Variants in CADPS2 observed in about 807,000 individuals in gnomAD.
The protein encoded by CADPS2 is calcium dependent secretion activator 2.
In CADPS2, 93 loss-of-function variants were observed where a neutral mutation model predicts 172.5. That is an observed-to-expected ratio of 0.54 (90% confidence interval 0.46 to 0.64). The LOEUF is 0.64. Among genes scored for constraint, CADPS2 ranks in the 30% least tolerant of loss-of-function variants. CADPS2 has a pLI of 0.00. For missense variants in CADPS2, 1,420 were observed against 1,565.9 expected (o/e 0.91, Z 1.57); for synonymous variants, 546 against 555.2 (o/e 0.98, Z 0.23).
intron 2 of CADPS2, among the ~76,000 whole-genome samples, chr7:122,665,387 C>T (rs1274439522): frequency 2.0e-5 from 3 of 152,128 alleles, no homozygotes; most frequent in South Asian, 4.1e-4. Context: ...TCAAATATTT[C>T]GGCTGACAGA....
chr7:122,435,596 A>G (rs1044953396), intron 17 of CADPS2, among the ~76,000 whole-genome samples: 3 of 152,164 alleles, frequency 2.0e-5, no homozygotes, highest in Non-Finnish European at 4.4e-5. Context: ...TGCAGCCACT[A>G]TGAAAAATAG....
At chr7:122,358,038 T>C (rs2039646551) in intron 27 of CADPS2, among the ~76,000 whole-genome samples, 1 of 152,162 alleles carries the variant, frequency 6.6e-6, no homozygotes, top group South Asian at 2.1e-4. Context: ...TATTTAGCTT[T>C]AAAAGAAACT....
rs1485361492 is a variant in CADPS2, at chr7:122,754,641, G to A, written c.340-17573C>T. Reference sequence around the variant, plus strand: ...ACAGGTGCCCACCATCACGCCCGGCGAATTTTTGTATTTTTAGTAGAAACG... The same window carrying A: ...ACAGGTGCCCACCATCACGCCCGGCAAATTTTTGTATTTTTAGTAGAAACG... On this transcript the variant is annotated intron_variant, in intron 1 of 29. Coordinates refer to ENST00000449022, the MANE Select transcript of CADPS2 (RefSeq NM_017954.11). 3.3e-5 allele frequency among the ~76,000 whole-genome samples: 5 copies of A among 151,748 alleles called. No homozygotes were observed. In the South Asian group the frequency reaches 6.2e-4, roughly 19 times the overall value.
intron 5 of CADPS2, among the ~76,000 whole-genome samples, chr7:122,617,224 G>T (rs1424925212): frequency 1.3e-5 from 2 of 152,086 alleles, no homozygotes; most frequent in Non-Finnish European, 2.9e-5. Flanking sequence ...ACTGTGCTGG[G>T]AACGTTTTAC....
At chr7:122,602,316 TA>T (rs111647064) in intron 6 of CADPS2, among the ~76,000 whole-genome samples, 276 of 152,144 alleles carry the variant, frequency 1.8e-3, no homozygotes, top group African/African-American at 6.2e-3. Flanking sequence ...ATCTTCATCT[TA>T]CGACCATTGC....
At chr7:122,446,572 A>G (rs2052238345) in intron 15 of CADPS2, among the ~76,000 whole-genome samples, 1 of 152,194 alleles carries the variant, frequency 6.6e-6, no homozygotes, top group South Asian at 2.1e-4. Flanking sequence ...GTGTGTTAGC[A>G]TTAGAGATTC....
intron 2 of CADPS2, among the ~76,000 whole-genome samples, chr7:122,682,511 C>A (rs1043179267): frequency 1.3e-5 from 2 of 152,096 alleles, no homozygotes; most frequent in African/African-American, 4.8e-5. Flanking sequence ...GAAAATAAAT[C>A]TTAAAAATTT....
intron 11 of CADPS2, among the ~76,000 whole-genome samples, chr7:122,481,719 T>C (rs1393186044): frequency 6.6e-6 from 1 of 150,768 alleles, no homozygotes; most frequent in African/African-American, 2.4e-5. Context: ...GTTTTGTTAT[T>C]ATTTGTTACA....
chr7:122,486,846 G>A (rs948962764), intron 11 of CADPS2, among the ~76,000 whole-genome samples: 3 of 152,010 alleles, frequency 2.0e-5, no homozygotes, highest in Non-Finnish European at 4.4e-5. Flanking sequence ...CCAGCAACCT[G>A]ATCGGTCAGC....
In CADPS2 at chr7:122,379,440, T is replaced by A; in HGVS notation, c.3315A>T (p.Gln1105His). 1.3e-6 allele frequency: 2 copies of A among 1,595,308 alleles called. No homozygotes were observed. Among genetic ancestry groups the A allele is most frequent in the South Asian group, 1.1e-5 (1 of 89,728 alleles). The change falls in exon 25 of 30, where the codon CAA becomes CAT. Residue 1105 changes from glutamine to histidine, a missense_variant and splice_region_variant. Gln to His is a conservative substitution (Grantham distance 24, BLOSUM62 0). Transcript: ENST00000449022. ...GATCATCTATTTTTGAATGGTACTG[T>A]TGCTAGATATTAAAAGATAAAAACT... ...KLCALDGGQE[Q>H]QYHSKIDDLI...
intron 7 of CADPS2, among the ~76,000 whole-genome samples, chr7:122,574,701 T>C (rs2132633867): frequency 6.6e-6 from 1 of 151,476 alleles, no homozygotes; most frequent in African/African-American, 2.4e-5. Context: ...AGGAAGATAG[T>C]AAAGGAACAC....
At chr7:122,441,036 CACAT>C (rs72017363) in intron 16 of CADPS2, among the ~76,000 whole-genome samples, 4,086 of 151,938 alleles carry the variant, frequency 0.027, 184 homozygotes, top group African/African-American at 0.094. Flanking sequence ...TTTAAGGTAA[CACAT>C]ACACTGGAAT....
In CADPS2 at chr7:122,732,827, TATA is replaced by T. The variant is rs1166070962; in HGVS notation, c.453+4125_453+4127del. Among the ~76,000 whole-genome samples the T allele has an allele frequency of 3.2e-3, 451 of 141,086 alleles. 1 individual carries two copies. The highest frequency in any genetic ancestry group is 0.012 in the African/African-American group (436 of 36,962). The allele number at this position is 141,086 out of a possible 152,430, so 92.6% of individuals were successfully genotyped here. A position where few individuals can be genotyped will look rare whatever the true frequency, so the allele number is the denominator to read the frequency against. ...TATTATATACATAATGTATATTATA[TATA>T]ATATACATTATATATGCTATGTATA... On this transcript the variant is annotated intron_variant, in intron 2 of 29. Coordinates refer to ENST00000449022, the MANE Select transcript of CADPS2 (RefSeq NM_017954.11).
At chr7:122,621,754 G>C (rs1457588699) in intron 4 of CADPS2, 37 bp from the exon 5 acceptor site, 15 of 1,165,798 alleles carry the variant, frequency 1.3e-5, no homozygotes, top group Non-Finnish European at 1.8e-5. Flanking sequence ...TGTTACATAA[G>C]TCATATTTCA....
chr7:122,776,186 T>C (rs1245624278), intron 1 of CADPS2, among the ~76,000 whole-genome samples: 5 of 152,112 alleles, frequency 3.3e-5, no homozygotes, highest in Non-Finnish European at 5.9e-5. Flanking sequence ...AATAAAATCA[T>C]GTGGGGCAGG....
At chr7:122,769,182 A>G (rs1007911539) in intron 1 of CADPS2, among the ~76,000 whole-genome samples, 3 of 152,220 alleles carry the variant, frequency 2.0e-5, no homozygotes, top group Admixed American at 6.5e-5. Flanking sequence ...TGATTATCAC[A>G]TAAGAAGACT....
intron 1 of CADPS2, among the ~76,000 whole-genome samples, chr7:122,864,426 G>A (rs1369295255): frequency 6.6e-6 from 1 of 152,114 alleles, no homozygotes; most frequent in Non-Finnish European, 1.5e-5. Flanking sequence ...GCTTCAGTAA[G>A]TCATGAAATT....
chr7:122,528,110 A>AGTG (rs71159802), intron 8 of CADPS2, among the ~76,000 whole-genome samples: 4,838 of 129,872 alleles, frequency 0.037, 124 homozygotes, highest in East Asian at 0.11. Context: ...TGAAGGCATT[A>AGTG]GTGGTGGTGG....
At chr7:122,660,224 A>C (rs2080368466) in intron 3 of CADPS2, among the ~76,000 whole-genome samples, 1 of 152,222 alleles carries the variant, frequency 6.6e-6, no homozygotes, top group South Asian at 2.1e-4. Context: ...GCAATGCCAC[A>C]AGGGATGCGA....
Sources: allele counts gnomAD v4.1 joint callset (sites outside exome capture counted in the v4.1 genomes callset), GRCh38; gene constraint gnomAD v4.1.1; transcripts MANE v1.5; gene names NCBI Gene and HGNC (gene_info 2026-07-23, HGNC 2026-07-21).